The following IGFBP7 variants were observed in gnomAD, a reference collection of about 807,000 sequenced individuals.
IGFBP7 encodes insulin-like growth factor-binding protein 7.
In IGFBP7, 31 loss-of-function variants were observed where a neutral mutation model predicts 29.4. The ratio of observed to expected loss-of-function variants is 1.05; its 90% confidence interval spans 0.79 to 1.42. IGFBP7 has a LOEUF of 1.42. Among genes scored for constraint, IGFBP7 ranks in the 40% most tolerant of loss-of-function variants. The pLI, the probability that IGFBP7 is intolerant of heterozygous loss-of-function variation, is 0.00. For missense variants in IGFBP7, 393 were observed against 395.5 expected, an observed-to-expected ratio of 0.99 and a Z score of 0.05; for synonymous variants, 172 against 174.9, an observed-to-expected ratio of 0.98 and a Z score of 0.13.
At chr4:57,056,350 C>T (rs994253101) in intron 1 of IGFBP7, among the ~76,000 whole-genome samples, 3 of 152,116 alleles carry the variant, frequency 2.0e-5, no homozygotes, top group African/African-American at 7.2e-5. Flanking sequence ...GCTCCTCTTA[C>T]GCTAGTGTAG....
At position 57,081,355 on chromosome 4, in the gene IGFBP7, G is replaced by A. The variant is rs775918468; in HGVS notation, c.475+28522C>T. Among the ~76,000 whole-genome samples, 76 of 152,116 alleles carry A rather than the reference G, an allele frequency of 5.0e-4. 1 individual carries two copies. The highest frequency in any genetic ancestry group is 3.1e-3 in the Admixed American group (48 of 15,282). ...TTAAAATGCTTAAGAATTATGAAGGGAGGAAGCTAATGCTTAGATTTACCC... is the reference window on the plus strand; with the variant it reads ...TTAAAATGCTTAAGAATTATGAAGGAAGGAAGCTAATGCTTAGATTTACCC... On this transcript the variant is annotated intron_variant, in intron 1 of 4. Coordinates refer to ENST00000295666, the MANE Select transcript of IGFBP7 (RefSeq NM_001553.3).
chr4:57,052,350 A>C (rs1724525697), intron 1 of IGFBP7, among the ~76,000 whole-genome samples: 1 of 152,206 alleles, frequency 6.6e-6, no homozygotes, highest in South Asian at 2.1e-4. Flanking sequence ...GCTGGATTGA[A>C]GAAGGGGAAA....
intron 1 of IGFBP7, among the ~76,000 whole-genome samples, chr4:57,083,178 T>C (rs1222064894): frequency 6.6e-6 from 1 of 152,194 alleles, no homozygotes; most frequent in East Asian, 1.9e-4. Context: ...AGAAATAAGA[T>C]TGCTGGGTCA....
At chr4:57,059,437 C>A (rs769092335) in intron 1 of IGFBP7, among the ~76,000 whole-genome samples, 3 of 152,190 alleles carry the variant, frequency 2.0e-5, no homozygotes, top group Non-Finnish European at 4.4e-5. Context: ...GAGATCATGT[C>A]TTTTGCAGGA....
At chr4:57,059,092 A>G (rs1324634263) in intron 1 of IGFBP7, among the ~76,000 whole-genome samples, 1 of 152,228 alleles carries the variant, frequency 6.6e-6, no homozygotes, top group Non-Finnish European at 1.5e-5. Flanking sequence ...TAGTCAAAAA[A>G]CAACAGATGC....
At chr4:57,068,221 TG>T (rs368499825) in intron 1 of IGFBP7, among the ~76,000 whole-genome samples, 1,527 of 145,994 alleles carry the variant, frequency 0.01, 26 homozygotes, top group African/African-American at 0.038. Flanking sequence ...GCCTGGGAGG[TG>T]GAGGTTGCAG....
At chr4:57,050,276 G>C (rs1409919907) in intron 1 of IGFBP7, among the ~76,000 whole-genome samples, 1 of 142,080 alleles carries the variant, frequency 7.0e-6, no homozygotes, top group South Asian at 2.2e-4. Context: ...ACAGAGTTTC[G>C]CTCTTTCGCT....
chr4:57,092,624 A>C (rs945396613), intron 1 of IGFBP7, among the ~76,000 whole-genome samples: 23 of 151,624 alleles, frequency 1.5e-4, no homozygotes, highest in Non-Finnish European at 2.9e-4. Flanking sequence ...ATTGTTTAGA[A>C]GAGGCTGTTA....
intron 1 of IGFBP7, among the ~76,000 whole-genome samples, chr4:57,051,667 G>A (rs956466943): frequency 2.0e-5 from 3 of 152,136 alleles, no homozygotes; most frequent in Non-Finnish European, 4.4e-5. Context: ...ACTTTGGAGC[G>A]TGGACTTGGA....
Position 57,109,948 on chromosome 4 carries a change from G to A in IGFBP7, c.404C>T (p.Ala135Val), listed in dbSNP as rs1465150998. 5.1e-6 allele frequency: 8 copies of A among 1,554,540 alleles called. No individual in the cohort carries two copies. The highest frequency in any genetic ancestry group is 6.9e-6 in the Non-Finnish European group (8 of 1,156,560). ...TTYPSGCQLR[A>V]ASQRAESRGE... ...GCGGCTCTCGGCCCTCTGGCTGGCG[G>A]CGCGCAGCTGGCAGCCGCTCGGGTA... Residue 135 changes from alanine (A) to valine (V), a missense_variant, in exon 1 of 5, where the codon GCC becomes GTC. Ala to Val is a moderately conservative substitution (Grantham distance 64). Transcript: ENST00000295666.
intron 1 of IGFBP7, among the ~76,000 whole-genome samples, chr4:57,070,825 C>T (rs991882148): frequency 1.3e-5 from 2 of 152,222 alleles, no homozygotes; most frequent in Non-Finnish European, 2.9e-5. Context: ...CATTTTTCTA[C>T]TTGATTAAAA....
intron 1 of IGFBP7, chr4:57,072,745 T>G (rs1578633182): frequency 2.0e-6 from 1 of 493,994 alleles, no homozygotes; most frequent in East Asian, 5.2e-5. Flanking sequence ...CAGGGATTTC[T>G]GCCTTGCCTG....
chr4:57,083,444 T>C (rs1351459821), intron 1 of IGFBP7, among the ~76,000 whole-genome samples: 3 of 152,254 alleles, frequency 2.0e-5, no homozygotes, highest in Admixed American at 2.0e-4. Context: ...CCACTTGCAG[T>C]TGTTCCTTTT....
At chr4:57,032,177 T>A in intron 4 of IGFBP7, 1 of 935,010 alleles carries the variant, frequency 1.1e-6, no homozygotes, top group Non-Finnish European at 1.4e-6. Flanking sequence ...TCCAGGCAAG[T>A]TTGATTTTGA....
chr4:57,035,939 G>C (rs1171491325), intron 2 of IGFBP7, among the ~76,000 whole-genome samples: 1 of 152,182 alleles, frequency 6.6e-6, no homozygotes, highest in Non-Finnish European at 1.5e-5. Context: ...CAAATATTTT[G>C]ACTTAGGTAA....
At chr4:57,060,257 A>G (rs1724769024) in intron 1 of IGFBP7, among the ~76,000 whole-genome samples, 1 of 152,234 alleles carries the variant, frequency 6.6e-6, no homozygotes, top group Non-Finnish European at 1.5e-5. Context: ...AGATGCAGAC[A>G]GACTGGGAAA....
chr4:57,088,082 C>T lies in IGFBP7; in HGVS notation c.475+21795G>A, dbSNP rs184953383. 5.0e-4 allele frequency among the ~76,000 whole-genome samples: 76 copies of T among 152,316 alleles called. No individual in the cohort carries two copies. In the East Asian group the frequency reaches 0.011, roughly 23 times the overall value. ...TTCCTAGGTTCAAGTGATCCTCCTACCTCAGCCTCCTGAGTAGCTGGGACT... is the reference window on the plus strand; with the variant it reads ...TTCCTAGGTTCAAGTGATCCTCCTATCTCAGCCTCCTGAGTAGCTGGGACT... On this transcript the variant is annotated intron_variant, in intron 1 of 4. Coordinates refer to ENST00000295666, the MANE Select transcript of IGFBP7 (RefSeq NM_001553.3).
intron 1 of IGFBP7, among the ~76,000 whole-genome samples, chr4:57,085,207 C>T (rs77138081): frequency 1.3e-5 from 2 of 151,496 alleles, no homozygotes; most frequent in African/African-American, 4.9e-5. Context: ...AAATGTAGTT[C>T]TACATTTTTC....
chr4:57,089,766 C>A (rs1415968227), intron 1 of IGFBP7, among the ~76,000 whole-genome samples: 1 of 152,172 alleles, frequency 6.6e-6, no homozygotes, highest in African/African-American at 2.4e-5. Flanking sequence ...TCATTTCTGG[C>A]CAATGAGATT....
Sources: gnomAD v4.1 joint callset for allele counts (sites outside exome capture counted in the v4.1 genomes callset) on GRCh38, gnomAD v4.1.1 for gene constraint, MANE v1.5 for transcripts, NCBI Gene and HGNC (gene_info 2026-07-23, HGNC 2026-07-21) for gene names.